FLVCR1: variants seen among roughly 807,000 people sequenced by gnomAD.
FLVCR1 encodes choline/ethanolamine transporter FLVCR1.
FLVCR1 carries 34 observed loss-of-function variants against 53.6 expected under a neutral mutation model. The ratio of observed to expected loss-of-function variants is 0.63; its 90% CI spans 0.48 to 0.84. FLVCR1 has a LOEUF of 0.84. Among genes scored for constraint, FLVCR1 ranks in the 40% least tolerant of loss-of-function variants. FLVCR1 has a pLI of 0.00. For missense variants in FLVCR1, 677 were observed against 696.7 expected, an observed-to-expected ratio of 0.97 and a Z score of 0.32; for synonymous variants, 300 against 286.3, an observed-to-expected ratio of 1.05 and a Z score of -0.48.
intron 2 of FLVCR1, among the ~76,000 whole-genome samples, chr1:212,869,599 G>A (rs1167786301): frequency 5.3e-5 from 8 of 152,040 alleles, no homozygotes; most frequent in South Asian, 2.1e-4. Flanking sequence ...GCTGGAGTGC[G>A]GTGGTGCGAC....
chr1:212,892,671 C>T (rs775324110), intron 8 of FLVCR1, among the ~76,000 whole-genome samples: 10 of 152,092 alleles, frequency 6.6e-5, no homozygotes, highest in Non-Finnish European at 1.5e-4. Context: ...CTTCTGCAGC[C>T]CGTGGATCAA....
At chr1:212,889,771 A>AAAG (rs1319900473) in intron 8 of FLVCR1, among the ~76,000 whole-genome samples, 1 of 151,630 alleles carries the variant, frequency 6.6e-6, no homozygotes. Flanking sequence ...AAAAAAAAAA[A>AAAG]AAGAGTAGTA....
At chr1:212,889,349 GA>G (rs1192912833) in intron 8 of FLVCR1, 92 bp downstream of exon 8, 27 of 795,474 alleles carry the variant, frequency 3.4e-5, no homozygotes, top group Non-Finnish European at 5.1e-5. Flanking sequence ...AACTCAAGGG[GA>G]AAAAAATGAG....
At chr1:212,892,450 A>G (rs1430108118) in intron 8 of FLVCR1, among the ~76,000 whole-genome samples, 3 of 152,248 alleles carry the variant, frequency 2.0e-5, no homozygotes, top group African/African-American at 7.2e-5. Context: ...CTAACAATGG[A>G]ACAATGAACC....
chr1:212,859,246 T>C (rs574013563), intron 1 of FLVCR1, 56 bp downstream of exon 1: 555 of 1,612,826 alleles, frequency 3.4e-4, no homozygotes, highest in Admixed American at 1.8e-3. Context: ...GAAAAAGTCA[T>C]AGGCCGTGAG....
Position 212,897,092 on chromosome 1 carries a change from G to A in FLVCR1, c.*1802G>A, listed in dbSNP as rs1351022073. The A allele has an allele frequency of 1.3e-5, 2 of 151,180 alleles. No individual in the cohort carries two copies. Among genetic ancestry groups the A allele is most frequent in the African/African-American group, 2.4e-5 (1 of 41,080 alleles). 9.4% of individuals were successfully genotyped at this position (151,180 alleles called of 1,614,324 possible). A position where few individuals can be genotyped will look rare whatever the true frequency, so the allele number is the denominator to read the frequency against. ...GCTGAGGCAGGAGAATCGCTTGAATGCGAATGGCAGAGGTTGCAGTGAGCG... is the reference window on the plus strand; with the variant it reads ...GCTGAGGCAGGAGAATCGCTTGAATACGAATGGCAGAGGTTGCAGTGAGCG... On this transcript the variant is annotated 3_prime_UTR_variant, in exon 10 of 10. Transcript: ENST00000366971.
chr1:212,867,909 T>C (rs1351380496), intron 2 of FLVCR1, among the ~76,000 whole-genome samples: 1 of 151,232 alleles, frequency 6.6e-6, no homozygotes, highest in Non-Finnish European at 1.5e-5. Flanking sequence ...GTTCACACCA[T>C]TCTCCTGCCT....
chr1:212,864,614 C>G (rs1360031907), intron 2 of FLVCR1: 4 of 152,232 alleles, frequency 2.6e-5, no homozygotes, highest in Non-Finnish European at 5.9e-5. Flanking sequence ...GCTAGCATAA[C>G]TATAATATTG....
Position 212,895,591 on chromosome 1 carries a change from C to T in FLVCR1, c.*301C>T, listed in dbSNP as rs1334194987. Reference sequence around the variant, plus strand: ...TTCTTGACGTTTACTTTTTAAAAGTCGATGTTTTTCTTTTTTGTAGAAAAT... The same window carrying T: ...TTCTTGACGTTTACTTTTTAAAAGTTGATGTTTTTCTTTTTTGTAGAAAAT... On this transcript the variant is annotated 3_prime_UTR_variant, in exon 10 of 10. Transcript: ENST00000366971. 11 of 364,364 alleles carry T rather than the reference C, an allele frequency of 3.0e-5. No homozygotes were observed. Among genetic ancestry groups the T allele is most frequent in the Admixed American group, 4.3e-5 (1 of 23,104 alleles). The allele number at this position is 364,364 out of a possible 1,614,324, so 22.6% of individuals were successfully genotyped here. A position where few individuals can be genotyped will look rare whatever the true frequency, so the allele number is the denominator to read the frequency against.
At chr1:212,861,773 C>A (rs1167911310) in intron 1 of FLVCR1, among the ~76,000 whole-genome samples, 1 of 151,914 alleles carries the variant, frequency 6.6e-6, no homozygotes, top group Non-Finnish European at 1.5e-5. Context: ...GGGTTCATGC[C>A]ATTCTCCTGC....
At chr1:212,889,386 T>C in intron 8 of FLVCR1, 129 bp downstream of exon 8, 1 of 689,512 alleles carries the variant, frequency 1.5e-6, no homozygotes, top group East Asian at 2.8e-5. Context: ...TTATTTGTTT[T>C]CTTCTAAAGA....
chr1:212,890,308 G>C (rs527873889), intron 8 of FLVCR1, among the ~76,000 whole-genome samples: 1 of 152,302 alleles, frequency 6.6e-6, no homozygotes, highest in South Asian at 2.1e-4. Context: ...TAGTAATCTA[G>C]AGATGGTTTA....
At chr1:212,875,071 A>T (rs768613667) in intron 3 of FLVCR1, among the ~76,000 whole-genome samples, 3 of 152,092 alleles carry the variant, frequency 2.0e-5, no homozygotes, top group Non-Finnish European at 4.4e-5. Flanking sequence ...TGTTTGCCTC[A>T]CTTATTGTTC....
chr1:212,893,048 G>A (rs1665232899), intron 8 of FLVCR1, among the ~76,000 whole-genome samples: 2 of 139,990 alleles, frequency 1.4e-5, no homozygotes, highest in African/African-American at 2.7e-5. Flanking sequence ...AGAAATGAAG[G>A]GTTGCTTCTT....
chr1:212,868,111 A>C (rs906435302), intron 2 of FLVCR1, among the ~76,000 whole-genome samples: 1 of 150,720 alleles, frequency 6.6e-6, no homozygotes, highest in South Asian at 2.1e-4. Flanking sequence ...ATTCTTTTTT[A>C]AGAGATGGGG....
At chr1:212,871,365 TTTTAGCAG>T (rs1664590627) in intron 2 of FLVCR1, among the ~76,000 whole-genome samples, 1 of 152,204 alleles carries the variant, frequency 6.6e-6, no homozygotes, top group Admixed American at 6.5e-5. Flanking sequence ...CTGTACCATA[TTTTAGCAG>T]TTCAGCCCTT....
intron 2 of FLVCR1, 112 bp downstream of exon 2, chr1:212,863,981 A>G: frequency 1.2e-6 from 1 of 853,508 alleles, no homozygotes; most frequent in Non-Finnish European, 1.9e-6. Context: ...GCTTTGTTTC[A>G]TTCTTCCATG....
chr1:212,881,998 T>C (rs1029826026), intron 3 of FLVCR1, among the ~76,000 whole-genome samples: 3 of 152,174 alleles, frequency 2.0e-5, no homozygotes, highest in Admixed American at 6.5e-5. Flanking sequence ...CACATTCACA[T>C]TGGCAAAATA....
intron 4 of FLVCR1, 64 bp from the exon 5 acceptor site, chr1:212,885,229 A>C: frequency 1.9e-6 from 2 of 1,046,966 alleles, no homozygotes; most frequent in Non-Finnish European, 3.0e-6. Context: ...AGGTGTGGGA[A>C]TGTGAAGAGT....
Sources: allele counts gnomAD v4.1 joint callset (sites outside exome capture counted in the v4.1 genomes callset), GRCh38; gene constraint gnomAD v4.1.1; transcripts MANE v1.5; gene names NCBI Gene and HGNC (gene_info 2026-07-23, HGNC 2026-07-21).